The following DENND1A variants were observed in gnomAD, a reference collection of about 807,000 sequenced individuals.
DENND1A encodes the protein DENN domain containing 1A, also known as DENN domain-containing protein 1A.
A neutral mutation model predicts 113.7 loss-of-function variants in DENND1A; 51 were observed. The ratio of observed to expected loss-of-function variants is 0.45; its 90% CI spans 0.36 to 0.57. The LOEUF (loss-of-function observed/expected upper bound fraction) is 0.57. Ranked by LOEUF, DENND1A falls within the 20% of genes least tolerant of loss-of-function variation. DENND1A has a pLI of 0.00. For missense variants in DENND1A, 1,258 were observed against 1,395.9 expected (o/e 0.90, Z 1.57); for synonymous variants, 565 against 570.8 (o/e 0.99, Z 0.14).
intron 3 of DENND1A, among the ~76,000 whole-genome samples, chr9:123,771,721 G>A (rs1263970783): frequency 1.3e-5 from 2 of 152,142 alleles, no homozygotes; most frequent in Non-Finnish European, 2.9e-5. Context: ...ACTCTCTAAT[G>A]TCAAGAGTAA....
intron 10 of DENND1A, among the ~76,000 whole-genome samples, chr9:123,623,288 T>C (rs1176304384): frequency 2.6e-5 from 4 of 152,228 alleles, no homozygotes; most frequent in African/African-American, 9.6e-5. Context: ...TGTCCCATGT[T>C]TATAATAATG....
chr9:123,843,226 CA>C (rs1842081227), intron 2 of DENND1A: 3 of 520,170 alleles, frequency 5.8e-6, no homozygotes, highest in Non-Finnish European at 1.2e-5. Context: ...GTAGTGAAAC[CA>C]AATGCATCCC....
In DENND1A at chr9:123,578,482, C is replaced by A. The variant is rs865804660; in HGVS notation, c.867+4687G>T. On this transcript the variant is annotated intron_variant, in intron 12 of 23. Transcript: ENST00000394215. ...GCAAACTTGAATTCTTGGCCTCAAG[C>A]AATTCTTCTGCCTCAGACTCCCAAA... Among the ~76,000 whole-genome samples, 6 of 152,344 alleles carry A rather than the reference C, an allele frequency of 3.9e-5. No individual in the cohort carries two copies. In the South Asian group the frequency reaches 1.2e-3, roughly 32 times the overall value.
intron 13 of DENND1A, among the ~76,000 whole-genome samples, chr9:123,538,698 G>A (rs1367887894): frequency 6.8e-6 from 1 of 147,350 alleles, no homozygotes; most frequent in Non-Finnish European, 1.5e-5. Context: ...CAATCGCAAT[G>A]AACCAAAATC....
chr9:123,809,603 C>A (rs1399099750), intron 2 of DENND1A, among the ~76,000 whole-genome samples: 2 of 152,154 alleles, frequency 1.3e-5, no homozygotes, highest in African/African-American at 4.8e-5. Flanking sequence ...AAGCCTCTCA[C>A]AAAAGAAAGA....
At chr9:123,443,621 G>A (rs1254475466) in intron 18 of DENND1A, among the ~76,000 whole-genome samples, 2 of 152,208 alleles carry the variant, frequency 1.3e-5, no homozygotes, top group African/African-American at 4.8e-5. Flanking sequence ...CTTCCTCTCA[G>A]GATGCCACAG....
chr9:123,848,561 A>T (rs556192042), intron 2 of DENND1A, among the ~76,000 whole-genome samples: 1 of 152,244 alleles, frequency 6.6e-6, no homozygotes, highest in Non-Finnish European at 1.5e-5. Flanking sequence ...AATAATATTG[A>T]CATTAAGCCC....
intron 2 of DENND1A, among the ~76,000 whole-genome samples, chr9:123,854,260 C>T (rs895109754): frequency 1.3e-5 from 2 of 152,166 alleles, no homozygotes; most frequent in Non-Finnish European, 2.9e-5. Context: ...TTCTCCTGCC[C>T]GGGAACTTCA....
chr9:123,640,055 C>T (rs1320997875), intron 9 of DENND1A, among the ~76,000 whole-genome samples: 3 of 152,086 alleles, frequency 2.0e-5, no homozygotes, highest in Non-Finnish European at 2.9e-5. Flanking sequence ...GTGCTCTTAG[C>T]CCCCATGAAA....
At chr9:123,825,598 T>C (rs565996847) in intron 2 of DENND1A, among the ~76,000 whole-genome samples, 47 of 152,370 alleles carry the variant, frequency 3.1e-4, no homozygotes, top group African/African-American at 1.1e-3. Flanking sequence ...GCAGTGATTA[T>C]AAGACCCCAT....
intron 3 of DENND1A, among the ~76,000 whole-genome samples, chr9:123,786,885 G>C (rs74928618): frequency 0.011 from 1,628 of 151,924 alleles, 32 homozygotes; most frequent in African/African-American, 0.036. Flanking sequence ...GAGAACCTGC[G>C]AGTACTGGAA....
chr9:123,525,515 C>G (rs2054755390), intron 13 of DENND1A, among the ~76,000 whole-genome samples: 1 of 152,190 alleles, frequency 6.6e-6, no homozygotes, highest in South Asian at 2.1e-4. Flanking sequence ...GCCAGAAGGA[C>G]AGAGAGAAGA....
At chr9:123,792,528 A>G in intron 3 of DENND1A, 59 bp downstream of exon 3, 1 of 1,550,186 alleles carries the variant, frequency 6.5e-7, no homozygotes, top group Non-Finnish European at 8.9e-7. Flanking sequence ...CAGTAATAAT[A>G]TGTTGAACAA....
chr9:123,717,628 G>A (rs952251100), intron 5 of DENND1A, among the ~76,000 whole-genome samples: 9 of 152,206 alleles, frequency 5.9e-5, no homozygotes, highest in Non-Finnish European at 1.0e-4. Flanking sequence ...ATAGAAAAGA[G>A]GATATACCTC....
At chr9:123,734,556 G>C (rs1274179021) in intron 5 of DENND1A, among the ~76,000 whole-genome samples, 1 of 152,068 alleles carries the variant, frequency 6.6e-6, no homozygotes. Context: ...AGTTTGGGAT[G>C]GGGGCAAGAC....
In DENND1A at chr9:123,595,275, C is replaced by A. The variant is rs549190477; in HGVS notation, c.766-12005G>T. Among the ~76,000 whole-genome samples, 6 of 152,294 alleles carry A rather than the reference C, an allele frequency of 3.9e-5. No homozygotes were observed. The South Asian group carries it at 1.2e-3, about 32-fold the overall frequency. On this transcript the variant is annotated intron_variant, in intron 11 of 23. Coordinates refer to ENST00000394215, the MANE Select transcript of DENND1A (RefSeq NM_001352964.2). ...CAGGCACTGACTCTCATTAACAAGTCCAGGGATTCTCAAGCCAGGTCAGCA... is the reference window on the plus strand; with the variant it reads ...CAGGCACTGACTCTCATTAACAAGTACAGGGATTCTCAAGCCAGGTCAGCA...
In DENND1A at chr9:123,403,444, A is replaced by G; in HGVS notation, c.1589T>C (p.Ile530Thr). ...PHVVKRPKSN[I>T]AVEGRRTSVP... ...AGACGTCCTCCGGCCTTCCACTGCG[A>G]TGTTGCTCTTTGGTCTCTTAACAAC... is the stretch of plus-strand genomic sequence containing the variant. The change falls in exon 21 of 24, where the codon ATC (isoleucine) becomes ACC (threonine). Residue 530 changes from isoleucine to threonine, a missense_variant. Ile to Thr is a moderately conservative substitution (Grantham distance 89). This residue lies in a region of DENND1A where 1,159 missense variants were observed against 1,231.7 expected (regional missense o/e 0.94). Transcript: ENST00000394215. 1 of 1,614,158 alleles carries G rather than the reference A, an allele frequency of 6.2e-7. No homozygotes were observed. The highest frequency in any genetic ancestry group is 8.5e-7 in the Non-Finnish European group (1 of 1,180,034).
chr9:123,463,420 A>G (rs1265308102), intron 13 of DENND1A, among the ~76,000 whole-genome samples: 2 of 152,184 alleles, frequency 1.3e-5, no homozygotes, highest in African/African-American at 2.4e-5. Context: ...AGCATTGCTG[A>G]TATTTTTATT....
At chr9:123,542,265 C>A (rs544340506) in intron 13 of DENND1A, among the ~76,000 whole-genome samples, 1 of 152,112 alleles carries the variant, frequency 6.6e-6, no homozygotes, top group African/African-American at 2.4e-5. Flanking sequence ...ATGAAGGTAT[C>A]GTTTAAGTCG....
Sources: allele counts gnomAD v4.1 joint callset (sites outside exome capture counted in the v4.1 genomes callset), GRCh38; gene constraint gnomAD v4.1.1; regional missense constraint gnomAD v4.1.1; transcripts MANE v1.5; gene names NCBI Gene and HGNC (gene_info 2026-07-23, HGNC 2026-07-21).